The following NAV3 variants were observed in gnomAD, a reference collection of about 807,000 sequenced individuals.
The protein encoded by NAV3 is pore membrane and/or filament interacting like protein 1.
NAV3 carries 87 observed loss-of-function variants against 244.7 expected under a neutral mutation model. The observed-to-expected ratio is 0.36, with a 90% confidence interval of 0.30 to 0.42. The LOEUF (loss-of-function observed/expected upper bound fraction) is 0.42. Ranked by LOEUF, NAV3 falls within the 20% of genes least tolerant of loss-of-function variation. NAV3 has a pLI of 1.00. For missense variants in NAV3, 2,663 were observed against 2,893.3 expected (o/e 0.92, Z 1.83); for synonymous variants, 1,126 against 1,042.2 (o/e 1.08, Z -1.55).
At chr12:77,977,001 G>C (rs1422475276) in intron 5 of NAV3, among the ~76,000 whole-genome samples, 3 of 151,958 alleles carry the variant, frequency 2.0e-5, no homozygotes, top group Non-Finnish European at 4.4e-5. Flanking sequence ...TATTAATTTT[G>C]ACATAAGGAA....
intron 9 of NAV3, among the ~76,000 whole-genome samples, chr12:78,043,123 C>T (rs1417447239): frequency 6.6e-6 from 1 of 152,042 alleles, no homozygotes; most frequent in African/African-American, 2.4e-5. Flanking sequence ...TGTGATGTTC[C>T]CCTTCCTGTG....
At chr12:78,206,570 T>C (rs1286236677) in intron 39 of NAV3, among the ~76,000 whole-genome samples, 1 of 152,106 alleles carries the variant, frequency 6.6e-6, no homozygotes, top group Non-Finnish European at 1.5e-5. Flanking sequence ...CCAATTCTCA[T>C]AGTCCAGCTC....
At chr12:78,150,403 A>G (rs1281453039) in intron 22 of NAV3, among the ~76,000 whole-genome samples, 2 of 152,110 alleles carry the variant, frequency 1.3e-5, no homozygotes, top group Non-Finnish European at 2.9e-5. Context: ...GCTGCTAGAC[A>G]TAGTGGAAGA....
chr12:78,069,308 T>C (rs1952634526), intron 12 of NAV3, among the ~76,000 whole-genome samples: 1 of 152,050 alleles, frequency 6.6e-6, no homozygotes, highest in Non-Finnish European at 1.5e-5. Flanking sequence ...AATCGTTTTT[T>C]ATTACAAAAC....
intron 2 of NAV3, among the ~76,000 whole-genome samples, chr12:77,640,402 C>G (rs1056504910): frequency 6.6e-6 from 1 of 152,108 alleles, no homozygotes; most frequent in Non-Finnish European, 1.5e-5. Context: ...AAATTGATAT[C>G]TTTTCACCTA....
chr12:77,575,985 T>C (rs973485361), intron 2 of NAV3, among the ~76,000 whole-genome samples: 1 of 152,140 alleles, frequency 6.6e-6, no homozygotes, highest in Non-Finnish European at 1.5e-5. Context: ...TTTTCTTTTA[T>C]GGAAATGTTT....
chr12:77,810,033 C>T (rs1336016659), intron 2 of NAV3, among the ~76,000 whole-genome samples: 2 of 152,128 alleles, frequency 1.3e-5, no homozygotes, highest in Admixed American at 1.3e-4. Flanking sequence ...TTCTCAAATA[C>T]CTGACTATTC....
intron 1 of NAV3, among the ~76,000 whole-genome samples, chr12:77,836,574 C>T (rs768367251): frequency 1.4e-4 from 21 of 152,278 alleles, no homozygotes; most frequent in African/African-American, 4.8e-4. Flanking sequence ...GAGTAGGAGT[C>T]ATACATAGGA....
intron 8 of NAV3, among the ~76,000 whole-genome samples, chr12:78,019,348 G>T (rs1417767436): frequency 6.6e-6 from 1 of 152,090 alleles, no homozygotes; most frequent in African/African-American, 2.4e-5. Context: ...ATTTATAAAA[G>T]ATTTGTTGAC....
At chr12:77,743,243 C>T (rs540920004) in intron 2 of NAV3, among the ~76,000 whole-genome samples, 4 of 151,792 alleles carry the variant, frequency 2.6e-5, no homozygotes, top group African/African-American at 4.8e-5. Flanking sequence ...ATATAACATA[C>T]GAAATATGTG....
At chr12:77,825,378 T>C (rs999048838) in intron 2 of NAV3, among the ~76,000 whole-genome samples, 3 of 152,206 alleles carry the variant, frequency 2.0e-5, no homozygotes, top group African/African-American at 2.4e-5. Flanking sequence ...TAATGTGCTA[T>C]GTTAATATAT....
At chr12:78,156,281 A>T (rs1018846548) in intron 22 of NAV3, among the ~76,000 whole-genome samples, 2 of 152,010 alleles carry the variant, frequency 1.3e-5, no homozygotes, top group Admixed American at 1.3e-4. Context: ...TGTTTTTGTC[A>T]GGTTTGTCGA....
intron 2 of NAV3, among the ~76,000 whole-genome samples, chr12:77,661,532 A>G (rs1669104110): frequency 6.6e-6 from 1 of 152,084 alleles, no homozygotes. Context: ...GCATTTAGAC[A>G]TAGGTTTATA....
At chr12:77,940,225 T>G (rs1361890140) in intron 1 of NAV3, 94 bp from the exon 2 acceptor site, 5 of 868,280 alleles carry the variant, frequency 5.8e-6, no homozygotes, top group Non-Finnish European at 7.4e-6. Context: ...TGATCCAGAA[T>G]AGCTTCCCTT....
At chr12:78,176,359 T>C in intron 25 of NAV3, 80 bp from the exon 26 acceptor site, 1 of 1,359,250 alleles carries the variant, frequency 7.4e-7, no homozygotes, top group Non-Finnish European at 1.0e-6. Flanking sequence ...AAAAAATGTT[T>C]ATACAGGTAA....
intron 2 of NAV3, among the ~76,000 whole-genome samples, chr12:77,748,276 C>T (rs1166346078): frequency 6.6e-6 from 1 of 152,148 alleles, no homozygotes; most frequent in Non-Finnish European, 1.5e-5. Flanking sequence ...CTCTATAAAG[C>T]TGCTAGAGCA....
chr12:78,044,804 C>T (rs532715614), intron 9 of NAV3, among the ~76,000 whole-genome samples: 3 of 152,180 alleles, frequency 2.0e-5, no homozygotes, highest in African/African-American at 7.2e-5. Flanking sequence ...TTGCTAAATT[C>T]GCTTATCAGC....
At chr12:77,825,034 T>C (rs1872916958) in intron 2 of NAV3, among the ~76,000 whole-genome samples, 1 of 152,224 alleles carries the variant, frequency 6.6e-6, no homozygotes, top group Non-Finnish European at 1.5e-5. Context: ...GATGGACTTC[T>C]TAGAAACTAT....
intron 1 of NAV3, among the ~76,000 whole-genome samples, chr12:77,871,650 G>C (rs1254099657): frequency 6.6e-6 from 1 of 152,138 alleles, no homozygotes; most frequent in Non-Finnish European, 1.5e-5. Context: ...GTATTCCATG[G>C]TGTATATGTG....
Sources: allele counts gnomAD v4.1 joint callset (sites outside exome capture counted in the v4.1 genomes callset), GRCh38; gene constraint gnomAD v4.1.1; transcripts MANE v1.5; gene names NCBI Gene and HGNC (gene_info 2026-07-23, HGNC 2026-07-21).